The following TRPC3 variants were observed in gnomAD, a reference collection of about 807,000 sequenced individuals.
TRPC3 encodes transient receptor potential cation channel subfamily C member 3, also known as short transient receptor potential channel 3.
In TRPC3, 54 loss-of-function variants were observed where a neutral mutation model predicts 90.9. The ratio of observed to expected loss-of-function variants is 0.59; its 90% CI spans 0.48 to 0.75. The LOEUF (loss-of-function observed/expected upper bound fraction) is 0.75, where lower values mean the gene tolerates loss of function less well. Ranked by LOEUF, TRPC3 falls within the 30% of genes least tolerant of loss-of-function variation. The pLI is 0.00. For synonymous variants in TRPC3, 424 were observed against 450.9 expected (o/e 0.94, Z 0.75); for missense variants, 918 against 1,194.5 (o/e 0.77, Z 3.41).
chr4:121,917,006 C>G (rs140010226), intron 3 of TRPC3, among the ~76,000 whole-genome samples: 1 of 152,212 alleles, frequency 6.6e-6, no homozygotes, highest in African/African-American at 2.4e-5. Context: ...TGAGCCACCA[C>G]GCCTGGCCGA....
Position 121,877,259 on chromosome 4 carries a change from T to C in TRPC3, c.*2477A>G, listed in dbSNP as rs1578587248. On this transcript the variant is annotated 3_prime_UTR_variant, in exon 12 of 12. Transcript: ENST00000379645. The stretch of plus-strand genomic sequence containing the variant: ...ATAAGATTTGGATGTGGTGACTCAT[T>C]AAGGGGATGCTCTCTGGAGAAAGGG... Among the ~76,000 whole-genome samples, 1 of 152,198 alleles carries C rather than the reference T, an allele frequency of 6.6e-6. No homozygotes were observed. Among genetic ancestry groups the C allele is most frequent in the Non-Finnish European group, 1.5e-5 (1 of 68,032 alleles).
chr4:121,916,758 G>A (rs1006170766), intron 3 of TRPC3, among the ~76,000 whole-genome samples: 15 of 151,736 alleles, frequency 9.9e-5, no homozygotes, highest in Non-Finnish European at 2.2e-4. Flanking sequence ...TTGTTGCCCA[G>A]GCTGGAGTGC....
At position 121,878,595 on chromosome 4, in the gene TRPC3, G is replaced by A. The variant is rs1029766072; in HGVS notation, c.*1141C>T. ...TCCCATTAAAGTCAAGAGGCATTGC[G>A]GATATTACCAGCATTCAGCACAATT... On this transcript the variant is annotated 3_prime_UTR_variant, in exon 12 of 12. Transcript: ENST00000379645. 8.5e-5 allele frequency among the ~76,000 whole-genome samples: 13 copies of A among 152,218 alleles called. No individual in the cohort carries two copies. Among genetic ancestry groups the A allele is most frequent in the South Asian group, 8.3e-4 (4 of 4,826 alleles).
chr4:121,900,940 C>T (rs1300448128), intron 9 of TRPC3, among the ~76,000 whole-genome samples: 15 of 152,158 alleles, frequency 9.9e-5, no homozygotes, highest in Admixed American at 9.8e-4. Context: ...ACGATACAGG[C>T]AGGAGAGGAC....
intron 10 of TRPC3, among the ~76,000 whole-genome samples, chr4:121,895,400 GT>G (rs575123643): frequency 4.0e-5 from 6 of 151,550 alleles, no homozygotes; most frequent in Non-Finnish European, 5.9e-5. Context: ...ACAAAACAAA[GT>G]TTTTTTTAAA....
At chr4:121,914,640 A>C in intron 4 of TRPC3, 140 bp downstream of exon 4, 2 of 937,260 alleles carry the variant, frequency 2.1e-6, no homozygotes, top group Non-Finnish European at 2.9e-6. Context: ...CCAGTAATTA[A>C]AAAGGAGAAT....
chr4:121,948,641 T>C (rs1489068886), intron 1 of TRPC3, among the ~76,000 whole-genome samples: 3 of 152,180 alleles, frequency 2.0e-5, no homozygotes, highest in Admixed American at 1.3e-4. Flanking sequence ...TATACATATC[T>C]ATGTTCCAAC....
intron 3 of TRPC3, 43 bp downstream of exon 3, chr4:121,924,975 T>C (rs961216281): frequency 2.6e-6 from 4 of 1,562,986 alleles, no homozygotes; most frequent in African/African-American, 2.7e-5. Flanking sequence ...TTGTATCACA[T>C]GTTTATTCTA....
chr4:121,906,896 T>C (rs1044058055), intron 7 of TRPC3, among the ~76,000 whole-genome samples: 6 of 152,140 alleles, frequency 3.9e-5, no homozygotes, highest in Non-Finnish European at 8.8e-5. Context: ...TAGCTATAAC[T>C]TCCTCTTACT....
chr4:121,881,767 T>C (rs1727951667), intron 11 of TRPC3, among the ~76,000 whole-genome samples: 1 of 152,126 alleles, frequency 6.6e-6, no homozygotes, highest in African/African-American at 2.4e-5. Flanking sequence ...TCTGGGCCTG[T>C]GTTTAGCTCT....
At chr4:121,939,891 C>A (rs955610734) in intron 1 of TRPC3, among the ~76,000 whole-genome samples, 1 of 152,200 alleles carries the variant, frequency 6.6e-6, no homozygotes, top group African/African-American at 2.4e-5. Flanking sequence ...CTAACTCTTT[C>A]CCCCTCCAGG....
At chr4:121,935,127 A>G (rs371420439) in intron 1 of TRPC3, among the ~76,000 whole-genome samples, 34 of 152,292 alleles carry the variant, frequency 2.2e-4, no homozygotes, top group African/African-American at 7.0e-4. Flanking sequence ...ACCCTTTTGC[A>G]TATTTTGAAT....
intron 2 of TRPC3, among the ~76,000 whole-genome samples, chr4:121,927,590 T>A (rs1729764779): frequency 6.6e-6 from 1 of 152,180 alleles, no homozygotes; most frequent in Non-Finnish European, 1.5e-5. Flanking sequence ...AAAATTTCAA[T>A]TTTTTTCCTT....
chr4:121,941,784 A>G (rs1730323835), intron 1 of TRPC3, among the ~76,000 whole-genome samples: 1 of 152,168 alleles, frequency 6.6e-6, no homozygotes, highest in Admixed American at 6.5e-5. Flanking sequence ...AGTCTTAATA[A>G]TATCATCAAA....
rs1013208766 is a variant in TRPC3 at position 121,951,048 on chromosome 4, T to G, written c.215+418A>C. On this transcript the variant is annotated intron_variant, in intron 1 of 11. Transcript: ENST00000379645. The surrounding 1 kb of genome is among the most constrained non-coding windows in gnomAD (Gnocchi z 4.4). ...TGCGCGCCTGGGTCTGTGCACATCT[T>G]CCCCTTCCTCGGCCTCCCTGGGTAA... Among the ~76,000 whole-genome samples the G allele has an allele frequency of 6.6e-6, 1 of 152,120 alleles. No individual in the cohort carries two copies. The highest frequency in any genetic ancestry group is 2.4e-5 in the African/African-American group (1 of 41,434).
intron 1 of TRPC3, among the ~76,000 whole-genome samples, chr4:121,944,448 A>G (rs909202082): frequency 6.6e-6 from 1 of 151,964 alleles, no homozygotes; most frequent in Non-Finnish European, 1.5e-5. Context: ...GGTTTATGGG[A>G]TATTGTAGGC....
chr4:121,938,015 T>C (rs1730187841), intron 1 of TRPC3, among the ~76,000 whole-genome samples: 1 of 148,824 alleles, frequency 6.7e-6, no homozygotes, highest in African/African-American at 2.6e-5. Context: ...TGTCTGAATT[T>C]ATTTAAAAAA....
rs924318505 is a variant in TRPC3, at chr4:121,875,534, A to G, written c.*4202T>C. On this transcript the variant is annotated 3_prime_UTR_variant, in exon 12 of 12. Coordinates refer to ENST00000379645, the MANE Select transcript of TRPC3 (RefSeq NM_001130698.2). ...TGTGTCCTCTTTTTAAAGATGTTTT[A>G]GGGTATCAGAGACATCTTGGTGGTC... is the stretch of plus-strand genomic sequence containing the variant. Among the ~76,000 whole-genome samples the G allele has an allele frequency of 2.6e-5, 4 of 152,194 alleles. No homozygotes were observed. Among genetic ancestry groups the G allele is most frequent in the African/African-American group, 9.7e-5 (4 of 41,436 alleles).
intron 1 of TRPC3, among the ~76,000 whole-genome samples, chr4:121,941,580 G>A (rs983208578): frequency 6.6e-6 from 1 of 152,030 alleles, no homozygotes; most frequent in Non-Finnish European, 1.5e-5. Flanking sequence ...GAAGCAGCAG[G>A]TACTGACAAA....
Sources: gnomAD v4.1 joint callset for allele counts (sites outside exome capture counted in the v4.1 genomes callset) on GRCh38, gnomAD v4.1.1 for gene constraint, Gnocchi (gnomAD v3.1) non-coding constraint, MANE v1.5 for transcripts, NCBI Gene and HGNC (gene_info 2026-07-23, HGNC 2026-07-21) for gene names.